The following HDAC7 variants were observed in gnomAD, a reference collection of about 807,000 sequenced individuals.
The protein encoded by HDAC7 is histone deacetylase 7.
HDAC7 carries 26 observed loss-of-function variants against 115.5 expected under a neutral mutation model. That is an observed-to-expected ratio of 0.23 (90% CI 0.16 to 0.31). The LOEUF (loss-of-function observed/expected upper bound fraction) is 0.31, where lower values mean the gene tolerates loss of function less well. Among genes scored for constraint, HDAC7 ranks in the 10% least tolerant of loss-of-function variants. HDAC7 has a pLI of 1.00. For synonymous variants in HDAC7, 564 were observed against 550.9 expected, an observed-to-expected ratio of 1.02 and a Z score of -0.33; for missense variants, 1,068 against 1,329.0, an observed-to-expected ratio of 0.80 and a Z score of 3.05.
intron 13 of HDAC7, chr12:47,792,758 C>A: frequency 2.3e-6 from 1 of 436,480 alleles, no homozygotes; most frequent in South Asian, 1.6e-5. Flanking sequence ...GATAAGGGAT[C>A]CCTCAGTAAA....
intron 2 of HDAC7, 34 bp from the exon 3 acceptor site, chr12:47,799,006 A>G: frequency 7.0e-7 from 1 of 1,418,834 alleles, no homozygotes; most frequent in South Asian, 1.5e-5. Context: ...GGTAAACTGG[A>G]AAGTTTGTCC....
chr12:47,813,133 A>T (rs1944741026), intron 1 of HDAC7: 1 of 152,100 alleles, frequency 6.6e-6, no homozygotes, highest in South Asian at 2.1e-4. Context: ...TGCTAACCGA[A>T]ACAAGGCTGC....
chr12:47,815,491 C>T (rs750247494), intron 1 of HDAC7, among the ~76,000 whole-genome samples: 6 of 152,204 alleles, frequency 3.9e-5, no homozygotes, highest in Admixed American at 6.5e-5. Flanking sequence ...AAGAGGTTGA[C>T]CCAGGGCAGT....
intron 22 of HDAC7, 101 bp from the exon 23 acceptor site, chr12:47,785,986 T>C: frequency 8.6e-7 from 1 of 1,160,316 alleles, no homozygotes; most frequent in Non-Finnish European, 1.2e-6. Flanking sequence ...TAATAAAGAA[T>C]GACTCACATG....
At chr12:47,813,392 C>G (rs1944753671) in intron 1 of HDAC7, 1 of 152,546 alleles carries the variant, frequency 6.6e-6, no homozygotes, top group African/African-American at 2.4e-5. Context: ...CCAGACTGCC[C>G]TGCTCCTCCT....
rs1325818000 is a variant in HDAC7, at chr12:47,797,421, G to A, written c.540C>T (p.Pro180=). The change falls in exon 6 of 26, where the codon CCC becomes CCT. Residue 180 remains proline (P), a synonymous_variant. Coordinates refer to ENST00000080059, the MANE Select transcript of HDAC7 (RefSeq NM_015401.5). This position sits in a 1 kb window ranked among gnomAD's most constrained non-coding sequence, Gnocchi z 5.5. ...GAGGGAAGTGCTCTGGGGGGTCACT[G>A]GGCAGGCTGGGAACAGGAGGCAAAA... ...SSFLPPVPSL[P]SDPPEHFPLR... 2 of 1,614,042 alleles carry A rather than the reference G, an allele frequency of 1.2e-6. No individual in the cohort carries two copies. The highest frequency in any genetic ancestry group is 1.3e-5 in the African/African-American group (1 of 74,920).
At chr12:47,788,878 G>T (rs765294095) in intron 19 of HDAC7, 3 of 187,694 alleles carry the variant, frequency 1.6e-5, no homozygotes, top group Non-Finnish European at 3.3e-5. Context: ...AATCCATCAT[G>T]TGTAAAACCA....
At chr12:47,787,490 A>G (rs1387880887) in intron 21 of HDAC7, among the ~76,000 whole-genome samples, 4 of 152,186 alleles carry the variant, frequency 2.6e-5, no homozygotes, top group Non-Finnish European at 5.9e-5. Context: ...CCTGCCAGCA[A>G]TCAGTTTGAC....
At position 47,784,160 on chromosome 12, in the gene HDAC7, C is replaced by T; in HGVS notation, c.2849G>A (p.Arg950Lys). Residue 950 changes from arginine to lysine, a missense_variant, in exon 25 of 26, where the codon AGA becomes AAA. Physicochemically the swap from Arg to Lys is conservative, Grantham distance 26 (BLOSUM62 2). Coordinates refer to ENST00000080059, the MANE Select transcript of HDAC7 (RefSeq NM_015401.5). ...TTCTTCTTTGTCAGCCCCTGGCACT[C>T]TAGGCACCCAGGAGTCTGGACAGGA... ...LASCPDSWVPRVPGADKEEVE... is the reference protein window; with the variant it reads ...LASCPDSWVPKVPGADKEEVE... 6.2e-7 allele frequency: 1 copy of T among 1,613,568 alleles called. No individual in the cohort carries two copies. Among genetic ancestry groups the T allele is most frequent in the Non-Finnish European group, 8.5e-7 (1 of 1,179,798 alleles).
intron 1 of HDAC7, among the ~76,000 whole-genome samples, chr12:47,804,028 G>A (rs990602965): frequency 3.3e-5 from 5 of 152,116 alleles, no homozygotes; most frequent in African/African-American, 1.2e-4. Flanking sequence ...TTCATGCTTG[G>A]GAGCAGAGCC....
chr12:47,787,952 G>A, intron 20 of HDAC7, 93 bp downstream of exon 20: 1 of 1,578,430 alleles, frequency 6.3e-7, no homozygotes, highest in Non-Finnish European at 8.7e-7. Context: ...TCAGCAGTCT[G>A]CCCAGGATCA....
At chr12:47,799,770 C>T (rs1355430346) in intron 2 of HDAC7, among the ~76,000 whole-genome samples, 1 of 152,234 alleles carries the variant, frequency 6.6e-6, no homozygotes, top group Admixed American at 6.5e-5. Flanking sequence ...TATAACTGGC[C>T]ACCAGACTAG....
chr12:47,795,460 A>G lies in HDAC7; in HGVS notation c.1088-80T>C. 5 of 1,274,190 alleles carry G rather than the reference A, an allele frequency of 3.9e-6. No homozygotes were observed. Among genetic ancestry groups the G allele is most frequent in the Non-Finnish European group, 5.5e-6 (5 of 911,118 alleles). 78.9% of individuals were successfully genotyped at this position (1,274,190 alleles called of 1,614,324 possible). On this transcript the variant is annotated intron_variant, in intron 10 of 25. Coordinates refer to ENST00000080059, the MANE Select transcript of HDAC7 (RefSeq NM_015401.5). The surrounding 1 kb of genome is among the most constrained non-coding windows in gnomAD (Gnocchi z 4.3). ...AAGCGAGGGTATAGGGTGGGGGGCC[A>G]GGGTGCAGCAGGGCAATGCGCAGGA...
At chr12:47,819,741 G>A in intron 1 of HDAC7, 26 bp downstream of exon 1, 3 of 800,336 alleles carry the variant, frequency 3.7e-6, no homozygotes, top group Non-Finnish European at 4.6e-6. Context: ...GCAGGGCGGG[G>A]CGGGGGGCGG....
intron 16 of HDAC7, chr12:47,790,992 C>A: frequency 1.8e-6 from 1 of 560,866 alleles, no homozygotes. Flanking sequence ...CTTGGCCCTG[C>A]TCCTGAAACC....
Position 47,798,486 on chromosome 12 carries a change from C to A in HDAC7, c.349+76G>T, listed in dbSNP as rs1417619312. 6.6e-6 allele frequency: 9 copies of A among 1,361,244 alleles called. No individual in the cohort carries two copies. In the African/African-American group the frequency reaches 8.5e-5, roughly 13 times the overall value. 84.3% of individuals were successfully genotyped at this position (1,361,244 alleles called of 1,614,324 possible). On this transcript the variant is annotated intron_variant, in intron 4 of 25. Coordinates refer to ENST00000080059, the MANE Select transcript of HDAC7 (RefSeq NM_015401.5). This position sits in a 1 kb window ranked among gnomAD's most constrained non-coding sequence, Gnocchi z 4.3. ...GCTGGCTGCGGCCCTCCCACCTCAC[C>A]CCTCACAAGCCACACAGGCAGCCGC...
At chr12:47,785,528 C>T (rs1267161258) in intron 23 of HDAC7, 57 bp from the exon 24 acceptor site, 1 of 1,532,200 alleles carries the variant, frequency 6.5e-7, no homozygotes, top group East Asian at 2.3e-5. Flanking sequence ...GCCCAGCTCA[C>T]TCCCACCCCA....
rs148755202 is a variant in HDAC7 at position 47,797,464 on chromosome 12, C to T, written c.497G>A (p.Arg166His). 21,319 of 1,613,546 alleles carry T rather than the reference C, an allele frequency of 0.013. 174 individuals are homozygous for T. The highest frequency in any genetic ancestry group is 0.015 in the Non-Finnish European group (18,224 of 1,179,702). ...AGGCAAAAAGCTGCTGAGCATGGAG[C>T]GGGTGGCTCCTTCCGTCTCCAGGGG... ...LEPLETEGAT[R>H]SMLSSFLPPV... The change falls in exon 6 of 26, where the codon CGC (arginine) becomes CAC (histidine). Residue 166 changes from arginine (R) to histidine (H), a missense_variant. Around this residue, in one of 6 missense-constraint regions of HDAC7, gnomAD observed 618 missense variants for 701.5 expected, o/e 0.88. Coordinates refer to ENST00000080059, the MANE Select transcript of HDAC7 (RefSeq NM_015401.5). This position sits in a 1 kb window ranked among gnomAD's most constrained non-coding sequence, Gnocchi z 5.5.
At chr12:47,799,745 G>T (rs1452715417) in intron 2 of HDAC7, among the ~76,000 whole-genome samples, 2 of 152,212 alleles carry the variant, frequency 1.3e-5, no homozygotes, top group Non-Finnish European at 2.9e-5. Flanking sequence ...CAAGGCTGTG[G>T]GTGCAGGGGC....
Sources: gnomAD v4.1 joint callset for allele counts (sites outside exome capture counted in the v4.1 genomes callset) on GRCh38, gnomAD v4.1.1 for gene constraint, gnomAD v4.1.1 regional missense constraint, Gnocchi (gnomAD v3.1) non-coding constraint, MANE v1.5 for transcripts, NCBI Gene and HGNC (gene_info 2026-07-23, HGNC 2026-07-21) for gene names.